DYTN: variants seen among roughly 807,000 people sequenced by gnomAD.
DYTN encodes dystrotelin.
DYTN carries 75 observed loss-of-function variants against 69.6 expected under a neutral mutation model. That is an observed-to-expected ratio of 1.08 (90% CI 0.89 to 1.31). The LOEUF (loss-of-function observed/expected upper bound fraction) is 1.31. Among genes scored for constraint, DYTN ranks in the 50% most tolerant of loss-of-function variants. The pLI is 0.00. For synonymous variants in DYTN, 252 were observed against 249.1 expected (o/e 1.01, Z -0.11); for missense variants, 726 against 688.4 (o/e 1.05, Z -0.61).
intron 11 of DYTN, among the ~76,000 whole-genome samples, chr2:206,652,384 TG>T (rs1486251433): frequency 6.6e-6 from 1 of 152,182 alleles, no homozygotes; most frequent in Admixed American, 6.5e-5. Flanking sequence ...TATAGTTACC[TG>T]ATTAATGGTT....
chr2:206,652,753 A>AC (rs1699401979), intron 11 of DYTN, among the ~76,000 whole-genome samples: 1 of 152,214 alleles, frequency 6.6e-6, no homozygotes, highest in Admixed American at 6.5e-5. Flanking sequence ...TATGTTGAAA[A>AC]AGTAAAGACA....
At chr2:206,668,872 A>G (rs1005100605) in intron 9 of DYTN, among the ~76,000 whole-genome samples, 7 of 152,218 alleles carry the variant, frequency 4.6e-5, no homozygotes, top group African/African-American at 1.7e-4. Flanking sequence ...TGGTTTTATA[A>G]GCATCTGGCG....
chr2:206,698,402 C>G (rs1324521080), intron 7 of DYTN, among the ~76,000 whole-genome samples: 1 of 152,132 alleles, frequency 6.6e-6, no homozygotes, highest in Non-Finnish European at 1.5e-5. Flanking sequence ...TCTGGGTTAG[C>G]TAGGGTCAGG....
intron 8 of DYTN, 147 bp downstream of exon 8, chr2:206,694,619 G>C (rs1699900031): frequency 3.8e-6 from 2 of 525,346 alleles, no homozygotes; most frequent in Admixed American, 7.6e-5. Context: ...GATATTCAAG[G>C]TGGAGTTTGC....
At chr2:206,677,140 G>T (rs953183861) in intron 9 of DYTN, among the ~76,000 whole-genome samples, 83 of 152,008 alleles carry the variant, frequency 5.5e-4, no homozygotes, top group African/African-American at 2.0e-3. Flanking sequence ...TAGAGATGGG[G>T]TTTCACCACA....
intron 9 of DYTN, among the ~76,000 whole-genome samples, chr2:206,691,124 G>C (rs193237366): frequency 5.8e-4 from 89 of 152,220 alleles, no homozygotes; most frequent in Admixed American, 5.5e-3. Context: ...GCAAATAAGA[G>C]TATGGAGGCC....
intron 1 of DYTN, among the ~76,000 whole-genome samples, chr2:206,713,392 C>T (rs996485737): frequency 6.6e-6 from 1 of 152,260 alleles, no homozygotes; most frequent in East Asian, 1.9e-4. Flanking sequence ...TTTTCTGCCA[C>T]AATCGCTGAA....
chr2:206,670,691 T>C (rs1451506722), intron 9 of DYTN: 2 of 152,242 alleles, frequency 1.3e-5, no homozygotes, highest in Non-Finnish European at 2.9e-5. Context: ...GGCTGCTGTT[T>C]GGGTTTACAT....
At chr2:206,714,260 G>A (rs573438951) in intron 1 of DYTN, among the ~76,000 whole-genome samples, 1 of 152,312 alleles carries the variant, frequency 6.6e-6, no homozygotes, top group East Asian at 1.9e-4. Context: ...AGGCTGGAGT[G>A]CAGTGGCGCA....
At chr2:206,713,663 G>A (rs1480368430) in intron 1 of DYTN, among the ~76,000 whole-genome samples, 10 of 152,164 alleles carry the variant, frequency 6.6e-5, no homozygotes, top group African/African-American at 2.4e-4. Flanking sequence ...GGTGAAAGAG[G>A]AAATCAGTCA....
chr2:206,676,450 G>A (rs1699688729), intron 9 of DYTN, among the ~76,000 whole-genome samples: 1 of 152,074 alleles, frequency 6.6e-6, no homozygotes, highest in Non-Finnish European at 1.5e-5. Context: ...CAAGGGGAGG[G>A]AGAGCATTAG....
chr2:206,678,097 CA>C (rs1699710076), intron 9 of DYTN, among the ~76,000 whole-genome samples: 1 of 151,932 alleles, frequency 6.6e-6, no homozygotes, highest in Non-Finnish European at 1.5e-5. Context: ...TTTCCCTAGT[CA>C]AAATATAAAA....
chr2:206,675,115 A>ATATGTGTGTGTGTGTGTGTGTGTG (rs1553573104), intron 9 of DYTN, among the ~76,000 whole-genome samples: 2 of 131,534 alleles, frequency 1.5e-5, no homozygotes, highest in African/African-American at 5.8e-5. Context: ...ATATATATAT[A>ATATGTGTGTGTGTGTGTGTGTGTG]TGTGTGTGTG....
chr2:206,716,745 T>C (rs1318811687), intron 1 of DYTN, among the ~76,000 whole-genome samples: 3 of 151,878 alleles, frequency 2.0e-5, no homozygotes, highest in Non-Finnish European at 4.4e-5. Flanking sequence ...AATTGGCCAA[T>C]GTTTGTGCCC....
intron 7 of DYTN, among the ~76,000 whole-genome samples, chr2:206,697,844 C>T (rs560388212): frequency 6.6e-5 from 10 of 152,312 alleles, no homozygotes; most frequent in African/African-American, 2.2e-4. Flanking sequence ...TAGCATTTCT[C>T]GGCCTCTGCC....
chr2:206,658,369 G>A (rs1465938825), intron 11 of DYTN, among the ~76,000 whole-genome samples: 2 of 151,988 alleles, frequency 1.3e-5, no homozygotes, highest in Admixed American at 1.3e-4. Flanking sequence ...GTTGGACTAT[G>A]TTTCTCTATT....
chr2:206,654,653 A>C (rs1482285278), intron 11 of DYTN, among the ~76,000 whole-genome samples: 1 of 152,206 alleles, frequency 6.6e-6, no homozygotes, highest in African/African-American at 2.4e-5. Context: ...CTCAAGGGTC[A>C]ACTCTGTATC....
chr2:206,708,091 A>C (rs1341225950), intron 2 of DYTN, among the ~76,000 whole-genome samples: 1 of 152,214 alleles, frequency 6.6e-6, no homozygotes, highest in African/African-American at 2.4e-5. Context: ...CACTGTTAAC[A>C]ATCTTGGTTC....
chr2:206,689,382 G>A (rs1699841591), intron 9 of DYTN, among the ~76,000 whole-genome samples: 1 of 152,122 alleles, frequency 6.6e-6, no homozygotes, highest in Non-Finnish European at 1.5e-5. Flanking sequence ...TTATTACATT[G>A]TGATTTAGTA....
Sources: gnomAD v4.1 joint callset for allele counts (sites outside exome capture counted in the v4.1 genomes callset) on GRCh38, gnomAD v4.1.1 for gene constraint, MANE v1.5 for transcripts, NCBI Gene and HGNC (gene_info 2026-07-23, HGNC 2026-07-21) for gene names.